Variants in UTP11 observed in about 807,000 individuals in gnomAD.
UTP11 encodes the protein probable U3 small nucleolar RNA-associated protein 11.
Under a neutral mutation model 39.0 loss-of-function variants are expected in UTP11, and 29 were observed. The ratio of observed to expected loss-of-function variants is 0.74; its 90% CI spans 0.55 to 1.01. The LOEUF (loss-of-function observed/expected upper bound fraction) is 1.01, where lower values mean the gene tolerates loss of function less well. UTP11 is among the 50% of genes least tolerant of loss of function. UTP11 has a pLI of 0.00. For synonymous variants in UTP11, 111 were observed against 105.0 expected (o/e 1.06, Z -0.35); for missense variants, 281 against 306.0 (o/e 0.92, Z 0.61).
At chr1:38,017,497 A>C (rs905280001) in intron 2 of UTP11, 171 bp from the exon 3 acceptor site, 5 of 490,460 alleles carry the variant, frequency 1.0e-5, no homozygotes, top group Non-Finnish European at 1.8e-5. Context: ...ACATGAGCTC[A>C]GCTCAGTGAC....
intron 1 of UTP11, among the ~76,000 whole-genome samples, chr1:38,015,476 T>G (rs1646702881): frequency 6.6e-6 from 1 of 152,230 alleles, no homozygotes; most frequent in Admixed American, 6.5e-5. Context: ...CTTGGGCATA[T>G]CATTCTCTAA....
chr1:38,016,293 CGT>C, intron 1 of UTP11, 64 bp from the exon 2 acceptor site: 3 of 1,503,498 alleles, frequency 2.0e-6, no homozygotes, highest in Non-Finnish European at 2.8e-6. Context: ...TGTTAGATGT[CGT>C]GTTGATTTGG....
chr1:38,014,449 A>T (rs929151757), intron 1 of UTP11, among the ~76,000 whole-genome samples: 5 of 152,216 alleles, frequency 3.3e-5, no homozygotes, highest in Non-Finnish European at 7.3e-5. Context: ...GTTATTACGT[A>T]AACTATTTCA....
intron 4 of UTP11, 105 bp from the exon 5 acceptor site, chr1:38,018,954 G>A: frequency 1.0e-6 from 1 of 967,050 alleles, no homozygotes; most frequent in Non-Finnish European, 1.5e-6. Context: ...GTTCTTTGCT[G>A]GCTGGCAATA....
chr1:38,019,055 C>G lies in UTP11; in HGVS notation c.343-4C>G. The G allele has an allele frequency of 6.2e-7, 1 of 1,603,228 alleles. No homozygotes were observed. The highest frequency in any genetic ancestry group is 8.5e-7 in the Non-Finnish European group (1 of 1,174,366). ...ATAAAGTGAGACCATATTCTGTGTT[C>G]TAGAAAATCGAAAGACTAAAATCAG... is the stretch of plus-strand genomic sequence containing the variant. On this transcript the variant is annotated splice_region_variant and splice_polypyrimidine_tract_variant and intron_variant, in intron 4 of 7. Coordinates refer to ENST00000373014, the MANE Select transcript of UTP11 (RefSeq NM_016037.4).
In UTP11 at chr1:38,023,580, G is replaced by T. The variant is rs757153596; in HGVS notation, c.714G>T (p.Thr238=). Residue 238 remains threonine, a synonymous_variant, in exon 8 of 8, where the codon ACG becomes ACT. Coordinates refer to ENST00000373014, the MANE Select transcript of UTP11 (RefSeq NM_016037.4). ...KTQKVKVKKE[T]VNSPAIYKFQ... ...AGAAAGTGAAGGTGAAGAAAGAAACGGTGAACTCCCCAGCTATTTATAAAT... is the reference window on the plus strand; with the variant it reads ...AGAAAGTGAAGGTGAAGAAAGAAACTGTGAACTCCCCAGCTATTTATAAAT... 1.2e-6 allele frequency: 2 copies of T among 1,611,116 alleles called. No homozygotes were observed. The highest frequency in any genetic ancestry group is 1.7e-6 in the Non-Finnish European group (2 of 1,178,846).
chr1:38,021,836 C>T (rs1156678793), intron 6 of UTP11, among the ~76,000 whole-genome samples: 16 of 151,116 alleles, frequency 1.1e-4, no homozygotes, highest in African/African-American at 3.9e-4. Flanking sequence ...GAGGTTGTAG[C>T]GAGCCGAGAT....
Position 38,018,415 on chromosome 1 carries a change from T to G in UTP11, c.229-49T>G, listed in dbSNP as rs562704528. 7.8e-6 allele frequency: 11 copies of G among 1,417,030 alleles called. No homozygotes were observed. The African/African-American group carries it at 1.6e-4, about 20-fold the overall frequency. The allele number at this position is 1,417,030 out of a possible 1,614,324, so 87.8% of individuals were successfully genotyped here. A position where few individuals can be genotyped will look rare whatever the true frequency, so the allele number is the denominator to read the frequency against. On this transcript the variant is annotated intron_variant, in intron 3 of 7. Transcript: ENST00000373014. ...GCCGTGCACTGTGCCAACAACTTAT[T>G]AATGATTTTAATCTAATAGGGAATA...
In UTP11 at chr1:38,012,792, G is replaced by A. The variant is rs369769761; in HGVS notation, c.-11G>A. 6.2e-7 allele frequency: 1 copy of A among 1,614,236 alleles called. No individual in the cohort carries two copies. Among genetic ancestry groups the A allele is most frequent in the East Asian group, 2.2e-5 (1 of 44,880 alleles). ...GCGTTCTCCACTGATCTTTTCCAAG[G>A]CTGTACAGACATGGCGGCGGCTTTT... On this transcript the variant is annotated 5_prime_UTR_variant, in exon 1 of 8. Transcript: ENST00000373014.
At chr1:38,021,752 G>T (rs1012917713) in intron 6 of UTP11, among the ~76,000 whole-genome samples, 1 of 152,088 alleles carries the variant, frequency 6.6e-6, no homozygotes, top group African/African-American at 2.4e-5. Flanking sequence ...AATTAGCCAG[G>T]CGTGGTGGCG....
At chr1:38,022,888 T>G in intron 7 of UTP11, 79 bp downstream of exon 7, 1 of 999,984 alleles carries the variant, frequency 1.0e-6, no homozygotes, top group Non-Finnish European at 1.5e-6. Flanking sequence ...TCAGACTAGA[T>G]TTCAGCTGTG....
chr1:38,019,444 T>TG lies in UTP11; in HGVS notation c.567+61_567+62insG. ...GGGGAATCTAGGTGTTTTTTTTTTGTTTTTTTTTTTTTGCTACTGCATTTA... is the reference window on the plus strand; with the variant it reads ...GGGGAATCTAGGTGTTTTTTTTTTGTGTTTTTTTTTTTTGCTACTGCATTTA... On this transcript the variant is annotated intron_variant, in intron 6 of 7. Coordinates refer to ENST00000373014, the MANE Select transcript of UTP11 (RefSeq NM_016037.4). 8 of 622,534 alleles carry TG rather than the reference T, an allele frequency of 1.3e-5. No homozygotes were observed. The South Asian group carries it at 1.5e-4, about 11-fold the overall frequency. The allele number at this position is 622,534 out of a possible 1,614,324, so 38.6% of individuals were successfully genotyped here. A position where few individuals can be genotyped will look rare whatever the true frequency, so the allele number is the denominator to read the frequency against.
intron 2 of UTP11, 79 bp from the exon 3 acceptor site, chr1:38,017,589 G>T: frequency 8.9e-7 from 1 of 1,128,892 alleles, no homozygotes; most frequent in Non-Finnish European, 1.2e-6. Context: ...TGTAAAGTTT[G>T]CTTATTGTGG....
chr1:38,018,794 GC>G (rs1243391975), intron 4 of UTP11, among the ~76,000 whole-genome samples: 1 of 152,124 alleles, frequency 6.6e-6, no homozygotes, highest in Non-Finnish European at 1.5e-5. Context: ...TAAATTACTA[GC>G]CCCATGACAA....
In UTP11 at chr1:38,024,467, A is replaced by G. The variant is rs530705747; in HGVS notation, c.*839A>G. 4.7e-5 allele frequency: 7 copies of G among 150,298 alleles called. No homozygotes were observed. The highest frequency in any genetic ancestry group is 9.8e-5 in the African/African-American group (4 of 40,914). The allele number at this position is 150,298 out of a possible 1,614,324, so 9.3% of individuals were successfully genotyped here. A position where few individuals can be genotyped will look rare whatever the true frequency, so the allele number is the denominator to read the frequency against. ...CCGGACTGCGGACTGCAGTGGCGCA[A>G]TCTCGGCTCACTGCAAGCTCCGCTT... On this transcript the variant is annotated 3_prime_UTR_variant, in exon 8 of 8. Coordinates refer to ENST00000373014, the MANE Select transcript of UTP11 (RefSeq NM_016037.4).
intron 1 of UTP11, among the ~76,000 whole-genome samples, chr1:38,015,059 G>A (rs576132718): frequency 3.7e-4 from 56 of 152,304 alleles, no homozygotes; most frequent in African/African-American, 1.1e-3. Context: ...GTCTCGCCCT[G>A]TTGCCCAGGC....
Position 38,017,677 on chromosome 1 carries a change from T to TA in UTP11, c.141dup (p.Gln48ThrfsTer13), listed in dbSNP as rs750559933. ...TTAACCTGTCTTTTAGTGACTACCG[T>TA]AAAAAACAAGAATACCTCAAAGCTC... On this transcript the variant is annotated frameshift_variant, in exon 3 of 8. Transcript: ENST00000373014. LOFTEE classifies it high-confidence loss of function. 8.8e-6 allele frequency: 14 copies of TA among 1,590,940 alleles called. No individual in the cohort carries two copies. Among genetic ancestry groups the TA allele is most frequent in the Admixed American group, 7.1e-5 (4 of 56,050 alleles).
At chr1:38,020,400 G>C (rs1374536519) in intron 6 of UTP11, among the ~76,000 whole-genome samples, 4 of 152,154 alleles carry the variant, frequency 2.6e-5, no homozygotes, top group Non-Finnish European at 5.9e-5. Flanking sequence ...CACCATGCCT[G>C]CCCAAAAGGT....
chr1:38,018,993 G>GTT (rs200532400), intron 4 of UTP11, 66 bp from the exon 5 acceptor site: 19,560 of 1,072,254 alleles, frequency 0.018, no homozygotes, highest in South Asian at 0.037. Flanking sequence ...AACTTTTGCA[G>GTT]TTTTTTTTTT....
Sources: gnomAD v4.1 joint callset for allele counts (sites outside exome capture counted in the v4.1 genomes callset) on GRCh38, gnomAD v4.1.1 for gene constraint, MANE v1.5 for transcripts, NCBI Gene and HGNC (gene_info 2026-07-23, HGNC 2026-07-21) for gene names.